The following ENTHD1 variants were observed in gnomAD, a reference collection of about 807,000 sequenced individuals.
The protein encoded by ENTHD1 is ENTH domain containing 1.
In ENTHD1, 23 loss-of-function variants were observed where a neutral mutation model predicts 39.1. The ratio of observed to expected loss-of-function variants is 0.59; its 90% CI spans 0.42 to 0.83. ENTHD1 has a LOEUF of 0.83. Among genes scored for constraint, ENTHD1 ranks in the 40% least tolerant of loss-of-function variants. The probability of loss-of-function intolerance (pLI) is 0.00; values close to 1 mark genes in which losing one functional copy is unlikely to be tolerated. For synonymous variants in ENTHD1, 230 were observed against 258.2 expected (o/e 0.89, Z 1.05); for missense variants, 624 against 705.4 (o/e 0.88, Z 1.31).
At chr22:39,838,615 A>G (rs2065922935) in intron 3 of ENTHD1, among the ~76,000 whole-genome samples, 1 of 152,122 alleles carries the variant, frequency 6.6e-6, no homozygotes, top group African/African-American at 2.4e-5. Context: ...AGCAGTTCCA[A>G]TTATCTCATA....
rs549530317 is a variant in ENTHD1, at chr22:39,816,141, T to C, written c.832+4852A>G. ...CAAAGGCAAGGGAGAAAAGGAGAAC[T>C]GAGGATTCTGTACCACAATAACTCT... On this transcript the variant is annotated intron_variant, in intron 5 of 6. Transcript: ENST00000325157. Among the ~76,000 whole-genome samples the C allele has an allele frequency of 3.3e-5, 5 of 152,274 alleles. No individual in the cohort carries two copies. In the South Asian group the frequency reaches 1.0e-3, roughly 32 times the overall value.
intron 4 of ENTHD1, 32 bp from the exon 5 acceptor site, chr22:39,821,145 A>C: frequency 6.2e-7 from 1 of 1,611,338 alleles, no homozygotes. Flanking sequence ...TGAGAATTGA[A>C]GAAAAAAATT....
chr22:39,798,785 G>A (rs923217661), intron 5 of ENTHD1, among the ~76,000 whole-genome samples: 3 of 152,146 alleles, frequency 2.0e-5, no homozygotes, highest in South Asian at 2.1e-4. Context: ...CAAGTCCTCC[G>A]TCCCCTGGGC....
rs1218242725 is a variant in ENTHD1, at chr22:39,867,415, C to T, written c.350-5408G>A. On this transcript the variant is annotated intron_variant, in intron 2 of 6. Coordinates refer to ENST00000325157, the MANE Select transcript of ENTHD1 (RefSeq NM_152512.4). The surrounding 1 kb of genome is among the most constrained non-coding windows in gnomAD (Gnocchi z 4.5). ...TACTGCCCTACCAAAATCTACTCTT[C>T]TTCCCATATTCCTTTCTCGGTGACT... is the stretch of plus-strand genomic sequence containing the variant. Among the ~76,000 whole-genome samples the T allele has an allele frequency of 6.6e-6, 1 of 152,006 alleles. No individual in the cohort carries two copies. The highest frequency in any genetic ancestry group is 1.5e-5 in the Non-Finnish European group (1 of 68,006).
intron 3 of ENTHD1, among the ~76,000 whole-genome samples, chr22:39,854,865 C>G (rs76911124): frequency 0.08 from 12,238 of 152,238 alleles, 529 homozygotes; most frequent in South Asian, 0.13. Flanking sequence ...TTACATTTCA[C>G]TGTAACTAAA....
intron 5 of ENTHD1, among the ~76,000 whole-genome samples, chr22:39,799,587 C>A (rs993651807): frequency 6.6e-6 from 1 of 152,180 alleles, no homozygotes. Flanking sequence ...ACCAGGCCAC[C>A]ACACACGAGC....
intron 3 of ENTHD1, among the ~76,000 whole-genome samples, chr22:39,854,939 C>T (rs1467451555): frequency 6.6e-6 from 1 of 152,168 alleles, no homozygotes; most frequent in Non-Finnish European, 1.5e-5. Flanking sequence ...CATCACTTGC[C>T]TCCATTTTCT....
In ENTHD1 at chr22:39,766,076, A is replaced by C. The variant is rs2065275953; in HGVS notation, c.833-467T>G. Among the ~76,000 whole-genome samples the C allele has an allele frequency of 2.0e-5, 3 of 150,864 alleles. No homozygotes were observed. The South Asian group carries it at 6.3e-4, about 32-fold the overall frequency. On this transcript the variant is annotated intron_variant, in intron 5 of 6. Coordinates refer to ENST00000325157, the MANE Select transcript of ENTHD1 (RefSeq NM_152512.4). ...AAAGAAAAAGAAAAGCTTTCTCCCC[A>C]AAAATAAAGAATGTCTTCTTCCACA...
In ENTHD1 at chr22:39,875,975, G is replaced by A. The variant is rs897198079; in HGVS notation, c.349+11425C>T. ...TGGTTGTGTACCCATTGCAAATGCA[G>A]GAGATTTTGGTGGTTATTACTGCCC... On this transcript the variant is annotated intron_variant, in intron 2 of 6. Coordinates refer to ENST00000325157, the MANE Select transcript of ENTHD1 (RefSeq NM_152512.4). 7 of 1,613,836 alleles carry A rather than the reference G, an allele frequency of 4.3e-6. No homozygotes were observed. In the African/African-American group the frequency reaches 6.7e-5, roughly 15 times the overall value.
chr22:39,761,146 A>G (rs775428957), intron 6 of ENTHD1, among the ~76,000 whole-genome samples: 11 of 152,122 alleles, frequency 7.2e-5, no homozygotes, highest in Non-Finnish European at 1.2e-4. Flanking sequence ...CCCGATGATC[A>G]GTTTTTATTC....
intron 5 of ENTHD1, among the ~76,000 whole-genome samples, chr22:39,769,333 G>A (rs2065303963): frequency 6.6e-6 from 1 of 152,082 alleles, no homozygotes; most frequent in Non-Finnish European, 1.5e-5. Flanking sequence ...GAGGGACCGG[G>A]AAATTTAAAA....
chr22:39,753,673 C>A (rs1485658653), intron 6 of ENTHD1, among the ~76,000 whole-genome samples: 2 of 152,166 alleles, frequency 1.3e-5, no homozygotes, highest in African/African-American at 4.8e-5. Flanking sequence ...TCTCCATCAC[C>A]CTGAGTGACG....
chr22:39,834,163 G>A (rs1265784777), intron 4 of ENTHD1, among the ~76,000 whole-genome samples: 1 of 151,976 alleles, frequency 6.6e-6, no homozygotes, highest in African/African-American at 2.4e-5. Context: ...TTAAAATTTT[G>A]CTCTGTGAAA....
At chr22:39,820,022 A>G (rs920203069) in intron 5 of ENTHD1, among the ~76,000 whole-genome samples, 2 of 152,208 alleles carry the variant, frequency 1.3e-5, no homozygotes, top group African/African-American at 4.8e-5. Flanking sequence ...ATAACTAATT[A>G]TCCATGTGAC....
chr22:39,774,428 G>T (rs1362327666), intron 5 of ENTHD1, among the ~76,000 whole-genome samples: 1 of 152,038 alleles, frequency 6.6e-6, no homozygotes, highest in Non-Finnish European at 1.5e-5. Context: ...CTATTTCTGT[G>T]TTCAGGGAGG....
chr22:39,876,776 TA>T (rs2066293806), intron 2 of ENTHD1, among the ~76,000 whole-genome samples: 1 of 152,186 alleles, frequency 6.6e-6, no homozygotes, highest in Admixed American at 6.5e-5. Context: ...ATTTTTGTAT[TA>T]GTCAACTCTG....
At chr22:39,805,587 T>A (rs1367139781) in intron 5 of ENTHD1, among the ~76,000 whole-genome samples, 1 of 152,020 alleles carries the variant, frequency 6.6e-6, no homozygotes, top group East Asian at 1.9e-4. Flanking sequence ...TTAGCAGAAG[T>A]CAGTGTGAAG....
chr22:39,775,245 T>A (rs114036834), intron 5 of ENTHD1, among the ~76,000 whole-genome samples: 2 of 152,228 alleles, frequency 1.3e-5, no homozygotes, highest in African/African-American at 4.8e-5. Flanking sequence ...TTTATAGAAC[T>A]GTCACCTATA....
At chr22:39,761,093 T>C (rs1315369391) in intron 6 of ENTHD1, among the ~76,000 whole-genome samples, 2 of 152,174 alleles carry the variant, frequency 1.3e-5, no homozygotes, top group Non-Finnish European at 2.9e-5. Flanking sequence ...AATTTCTCAT[T>C]AGGCTGAAAA....
Sources: allele counts gnomAD v4.1 joint callset (sites outside exome capture counted in the v4.1 genomes callset), GRCh38; gene constraint gnomAD v4.1.1; non-coding constraint Gnocchi (gnomAD v3.1); transcripts MANE v1.5; gene names NCBI Gene and HGNC (gene_info 2026-07-23, HGNC 2026-07-21).